Variants in UBE2U observed in about 807,000 individuals in gnomAD.
The protein encoded by UBE2U is ubiquitin-conjugating enzyme E2 U.
UBE2U carries 39 observed loss-of-function variants against 41.2 expected under a neutral mutation model. That is an observed-to-expected ratio of 0.95 (90% CI 0.73 to 1.24). The LOEUF is 1.24. Ranked by LOEUF, UBE2U falls within the 50% of genes most tolerant of loss-of-function variation. The probability of loss-of-function intolerance (pLI) is 0.00; values close to 1 mark genes in which losing one functional copy is unlikely to be tolerated. For missense variants in UBE2U, 336 were observed against 363.1 expected (o/e 0.93, Z 0.61); for synonymous variants, 107 against 117.8 (o/e 0.91, Z 0.60).
intron 7 of UBE2U, among the ~76,000 whole-genome samples, chr1:64,233,011 C>CT (rs749876501): frequency 9.0e-4 from 126 of 139,710 alleles, no homozygotes; most frequent in Middle Eastern, 7.9e-3. Flanking sequence ...TTTATTTTTA[C>CT]TTTTTTTTTT....
intron 7 of UBE2U, among the ~76,000 whole-genome samples, chr1:64,236,641 C>T (rs1473345381): frequency 2.6e-5 from 4 of 152,138 alleles, no homozygotes; most frequent in Non-Finnish European, 5.9e-5. Flanking sequence ...CCAGTGTACT[C>T]TTTAATACTG....
At chr1:64,260,994 C>T (rs1293878656) in intron 9 of UBE2U, among the ~76,000 whole-genome samples, 1 of 151,988 alleles carries the variant, frequency 6.6e-6, no homozygotes, top group Non-Finnish European at 1.5e-5. Flanking sequence ...AAAAAGCAGC[C>T]AAAACACACA....
chr1:64,239,150 GAAGA>G (rs1644764423), intron 7 of UBE2U, among the ~76,000 whole-genome samples: 1 of 28,422 alleles, frequency 3.5e-5, no homozygotes, highest in Non-Finnish European at 6.3e-5. Flanking sequence ...AGAAGAAGAA[GAAGA>G]AGAAAGAAGA....
chr1:64,218,352 A>G (rs1370148909), intron 5 of UBE2U, among the ~76,000 whole-genome samples: 3 of 152,174 alleles, frequency 2.0e-5, no homozygotes, highest in Admixed American at 6.5e-5. Flanking sequence ...GTATTTCATT[A>G]TACCAGATAG....
chr1:64,247,576 G>C (rs1388167981), intron 8 of UBE2U, among the ~76,000 whole-genome samples: 1 of 152,076 alleles, frequency 6.6e-6, no homozygotes, highest in Non-Finnish European at 1.5e-5. Context: ...GTTAAAAAGA[G>C]CTTGGCAGCT....
Position 64,267,322 on chromosome 1 carries a change from C to G in UBE2U, c.*114C>G. On this transcript the variant is annotated 3_prime_UTR_variant, in exon 10 of 10. Transcript: ENST00000371077. ...TTCATTTTTTTTAAGTTGTTCTCAC[C>G]CACTCACTGCAAGTACAAATTAGAA... 2 of 821,108 alleles carry G rather than the reference C, an allele frequency of 2.4e-6. No homozygotes were observed. Among genetic ancestry groups the G allele is most frequent in the Non-Finnish European group, 3.6e-6 (2 of 550,460 alleles). The allele number at this position is 821,108 out of a possible 1,614,324, so 50.9% of individuals were successfully genotyped here. A position where few individuals can be genotyped will look rare whatever the true frequency, so the allele number is the denominator to read the frequency against.
At chr1:64,215,058 C>A (rs906457885) in intron 5 of UBE2U, 126 bp downstream of exon 5, 13 of 631,754 alleles carry the variant, frequency 2.1e-5, no homozygotes, top group Middle Eastern at 4.4e-4. Context: ...CATGGAGAAA[C>A]CCTGTCTCTA....
At chr1:64,266,943 A>C in intron 9 of UBE2U, 81 bp from the exon 10 acceptor site, 1 of 1,303,396 alleles carries the variant, frequency 7.7e-7, no homozygotes, top group East Asian at 2.5e-5. Context: ...GCATTATCCT[A>C]CAAATGCAGG....
At position 64,214,803 on chromosome 1, in the gene UBE2U, G is replaced by A; in HGVS notation, c.340-12G>A. The A allele has an allele frequency of 1.2e-6, 2 of 1,608,346 alleles. No individual in the cohort carries two copies. Among genetic ancestry groups the A allele is most frequent in the East Asian group, 2.2e-5 (1 of 44,816 alleles). The stretch of plus-strand genomic sequence containing the variant: ...ACTTCTGAAATTATATGTTGTCTGT[G>A]TTTTCCTATAGGTTATGCTTTCTAA... On this transcript the variant is annotated splice_polypyrimidine_tract_variant and intron_variant, in intron 4 of 9. Coordinates refer to ENST00000371077, the MANE Select transcript of UBE2U (RefSeq NM_001366232.2).
At chr1:64,242,959 T>G (rs566523478) in intron 8 of UBE2U, among the ~76,000 whole-genome samples, 1 of 152,324 alleles carries the variant, frequency 6.6e-6, no homozygotes, top group South Asian at 2.1e-4. Flanking sequence ...GATCATCGAT[T>G]CATTATGTAA....
intron 3 of UBE2U, among the ~76,000 whole-genome samples, chr1:64,208,716 G>C (rs557037154): frequency 4.8e-5 from 7 of 147,232 alleles, no homozygotes; most frequent in Non-Finnish European, 8.9e-5. Context: ...ATTAACACAG[G>C]AATTTTAAGT....
intron 7 of UBE2U, among the ~76,000 whole-genome samples, chr1:64,239,638 G>A (rs1644800122): frequency 6.6e-6 from 1 of 151,212 alleles, no homozygotes; most frequent in African/African-American, 2.4e-5. Flanking sequence ...CTGTCCTTGT[G>A]ATAGTTTGCT....
intron 6 of UBE2U, among the ~76,000 whole-genome samples, chr1:64,224,771 T>C (rs1383327908): frequency 6.6e-6 from 1 of 151,764 alleles, no homozygotes; most frequent in Non-Finnish European, 1.5e-5. Flanking sequence ...AAATTCAGTG[T>C]TGCAAGATTA....
chr1:64,266,197 T>G (rs771517116), intron 9 of UBE2U, among the ~76,000 whole-genome samples: 2 of 152,206 alleles, frequency 1.3e-5, no homozygotes, highest in Non-Finnish European at 2.9e-5. Flanking sequence ...TATATCTATA[T>G]TCTCCTTTTG....
intron 6 of UBE2U, among the ~76,000 whole-genome samples, chr1:64,229,477 C>G (rs548055467): frequency 1.3e-5 from 2 of 152,100 alleles, no homozygotes; most frequent in Non-Finnish European, 2.9e-5. Context: ...AGTTTTATCT[C>G]CTGATTTTAT....
intron 9 of UBE2U, among the ~76,000 whole-genome samples, chr1:64,266,502 T>C (rs1182342079): frequency 6.6e-6 from 1 of 152,174 alleles, no homozygotes; most frequent in Non-Finnish European, 1.5e-5. Flanking sequence ...TTAAATAATA[T>C]TATAGCTGTC....
chr1:64,212,555 A>G (rs1298901992), intron 4 of UBE2U, among the ~76,000 whole-genome samples: 1 of 152,220 alleles, frequency 6.6e-6, no homozygotes, highest in Non-Finnish European at 1.5e-5. Flanking sequence ...TGTGTAAAGA[A>G]TTCGGAACTG....
chr1:64,264,837 T>A (rs979454123), intron 9 of UBE2U, among the ~76,000 whole-genome samples: 1 of 151,934 alleles, frequency 6.6e-6, no homozygotes, highest in Non-Finnish European at 1.5e-5. Flanking sequence ...ATAGTCCCAG[T>A]TACTTGGGAG....
In UBE2U at chr1:64,267,262, GT is replaced by G; in HGVS notation, c.*55del. The G allele has an allele frequency of 7.2e-7, 1 of 1,380,908 alleles. No homozygotes were observed. Among genetic ancestry groups the G allele is most frequent in the South Asian group, 1.8e-5 (1 of 55,610 alleles). The allele number at this position is 1,380,908 out of a possible 1,614,324, so 85.5% of individuals were successfully genotyped here. A position where few individuals can be genotyped will look rare whatever the true frequency, so the allele number is the denominator to read the frequency against. On this transcript the variant is annotated 3_prime_UTR_variant, in exon 10 of 10. Coordinates refer to ENST00000371077, the MANE Select transcript of UBE2U (RefSeq NM_001366232.2). The stretch of plus-strand genomic sequence containing the variant: ...ACAGCCTCCGCCATAGCCCAGCGTT[GT>G]GGAGCAATTTTGGAAGACTCTCAGA...
Sources: gnomAD v4.1 joint callset for allele counts (sites outside exome capture counted in the v4.1 genomes callset) on GRCh38, gnomAD v4.1.1 for gene constraint, MANE v1.5 for transcripts, NCBI Gene and HGNC (gene_info 2026-07-23, HGNC 2026-07-21) for gene names.